LIPA: variants seen among roughly 807,000 people sequenced by gnomAD.
The protein encoded by LIPA is lipase A, lysosomal acid type.
Under a neutral mutation model 40.6 loss-of-function variants are expected in LIPA, and 26 were observed. The observed-to-expected ratio is 0.64, with a 90% confidence interval of 0.47 to 0.89. The LOEUF is 0.89. Ranked by LOEUF, LIPA falls within the 40% of genes least tolerant of loss-of-function variation. The pLI is 0.00. For missense variants in LIPA, 455 were observed against 479.6 expected, an observed-to-expected ratio of 0.95 and a Z score of 0.48; for synonymous variants, 188 against 168.4, an observed-to-expected ratio of 1.12 and a Z score of -0.90.
intron 2 of LIPA, among the ~76,000 whole-genome samples, chr10:89,394,684 GT>G: frequency 6.8e-6 from 1 of 146,048 alleles, no homozygotes; most frequent in Non-Finnish European, 1.5e-5. Flanking sequence ...TAAAATACAT[GT>G]AAAATAAAAT....
intron 1 of LIPA, chr10:89,307,490 C>CT (rs561724073): frequency 1.0e-4 from 81 of 811,544 alleles, no homozygotes; most frequent in East Asian, 8.9e-4. Context: ...GACTAAGACA[C>CT]TGGCCATACC....
intron 2 of LIPA, chr10:89,405,424 GTA>G (rs758193660): frequency 2.6e-5 from 4 of 152,192 alleles, no homozygotes; most frequent in African/African-American, 4.8e-5. Flanking sequence ...CTTTCATTCT[GTA>G]TATGTTTTGG....
At chr10:89,248,649 G>A (rs1320977914) in intron 1 of LIPA, among the ~76,000 whole-genome samples, 1 of 143,882 alleles carries the variant, frequency 7.0e-6, no homozygotes, top group Non-Finnish European at 1.5e-5. Flanking sequence ...AAATTTTTTT[G>A]TATTTTTTTT....
At chr10:89,328,504 G>T in intron 1 of LIPA, among the ~76,000 whole-genome samples, 1 of 150,238 alleles carries the variant, frequency 6.7e-6, no homozygotes, top group African/African-American at 2.5e-5. Flanking sequence ...TAAGTCACAG[G>T]CTTTTTTTCT....
chr10:89,271,076 A>T (rs1589584629), intron 1 of LIPA, among the ~76,000 whole-genome samples: 1 of 152,236 alleles, frequency 6.6e-6, no homozygotes, highest in East Asian at 1.9e-4. Context: ...TGAAGGCACA[A>T]GTCACATGAG....
intron 1 of LIPA, among the ~76,000 whole-genome samples, chr10:89,272,886 T>C (rs550366440): frequency 2.0e-5 from 3 of 152,378 alleles, no homozygotes; most frequent in African/African-American, 7.2e-5. Context: ...TGTCTGCATG[T>C]ATGTCTTCTT....
rs1213290752 is a variant in LIPA, at chr10:89,383,403, T to G, written c.61+29388A>C. 4 of 1,614,218 alleles carry G rather than the reference T, an allele frequency of 2.5e-6. No individual in the cohort carries two copies. In the South Asian group the frequency reaches 3.3e-5, roughly 13 times the overall value. ...CATGGAAGTTGTTAATTGAAGCCCC[T>G]GAAATTCCTGATTTAGAAAACAGGA... On this transcript the variant is annotated intron_variant, in intron 2 of 8. Coordinates refer to the LIPA transcript ENST00000371837.
chr10:89,391,951 G>T (rs1461890628), intron 2 of LIPA, among the ~76,000 whole-genome samples: 1 of 152,198 alleles, frequency 6.6e-6, no homozygotes, highest in Non-Finnish European at 1.5e-5. Flanking sequence ...AACTGTAGTG[G>T]AGGTTGTACT....
chr10:89,251,998 G>A (rs1291792262), upstream of LIPA: 1 of 152,370 alleles, frequency 6.6e-6, no homozygotes, highest in Non-Finnish European at 1.5e-5. Flanking sequence ...CTAAGAGATG[G>A]AGCCCGTCCT....
intron 5 of LIPA, among the ~76,000 whole-genome samples, chr10:89,226,532 T>G (rs1355378998): frequency 1.3e-5 from 2 of 152,234 alleles, no homozygotes; most frequent in Non-Finnish European, 2.9e-5. Context: ...AAACCAAATG[T>G]ACCTGTAGTT....
At chr10:89,343,603 G>C (rs1442190192), upstream of LIPA, among the ~76,000 whole-genome samples, 2 of 152,178 alleles carry the variant, frequency 1.3e-5, no homozygotes, top group African/African-American at 4.8e-5. Context: ...TCAGTTCAAA[G>C]TACTCAGCAC....
chr10:89,371,918 C>T (rs570498134), intron 2 of LIPA, among the ~76,000 whole-genome samples: 5 of 152,248 alleles, frequency 3.3e-5, no homozygotes, highest in East Asian at 1.9e-4. Flanking sequence ...ATGGATGGAG[C>T]TGGAGGCCAT....
intron 1 of LIPA, among the ~76,000 whole-genome samples, chr10:89,295,711 A>G (rs1349947779): frequency 1.3e-5 from 2 of 152,250 alleles, no homozygotes; most frequent in Non-Finnish European, 1.5e-5. Context: ...GTTCTAGGAA[A>G]TATGAACAGG....
intron 2 of LIPA, among the ~76,000 whole-genome samples, chr10:89,378,676 C>A (rs1455980917): frequency 6.6e-6 from 1 of 152,118 alleles, no homozygotes; most frequent in Non-Finnish European, 1.5e-5. Flanking sequence ...TAATAAAGTC[C>A]ATAGAGTCAG....
At chr10:89,325,026 C>T (rs770913340) in intron 1 of LIPA, among the ~76,000 whole-genome samples, 10 of 152,032 alleles carry the variant, frequency 6.6e-5, no homozygotes, top group Non-Finnish European at 1.5e-4. Context: ...ACATTGTGCA[C>T]ATGTACCCAA....
chr10:89,223,536 A>C, intron 7 of LIPA, 148 bp downstream of exon 7: 305 of 640,710 alleles, frequency 4.8e-4, no homozygotes, highest in Non-Finnish European at 6.0e-4. Context: ...TATTCTAGGC[A>C]TTGGCCAAAG....
At chr10:89,306,555 A>G (rs1843480723) in intron 1 of LIPA, 1 of 1,613,980 alleles carries the variant, frequency 6.2e-7, no homozygotes, top group Non-Finnish European at 8.5e-7. Context: ...CCTCTGAGGC[A>G]AGCCATTCGG....
intron 1 of LIPA, among the ~76,000 whole-genome samples, chr10:89,263,292 G>C (rs911221535): frequency 6.6e-6 from 1 of 152,206 alleles, no homozygotes; most frequent in East Asian, 1.9e-4. Flanking sequence ...ACTTTAGAAA[G>C]ATTATAAAAA....
intron 3 of LIPA, among the ~76,000 whole-genome samples, chr10:89,237,461 A>ATAT (rs111791214): frequency 3.3e-5 from 5 of 151,450 alleles, no homozygotes; most frequent in African/African-American, 7.3e-5. Flanking sequence ...AACAAAAAAA[A>ATAT]ATATATATAT....
Sources: allele counts gnomAD v4.1 joint callset (sites outside exome capture counted in the v4.1 genomes callset), GRCh38; gene constraint gnomAD v4.1.1; transcripts MANE v1.5; gene names NCBI Gene and HGNC (gene_info 2026-07-23, HGNC 2026-07-21).